Variants in CREB5 observed in about 807,000 individuals in gnomAD.
CREB5 encodes the protein cyclic AMP-responsive element-binding protein 5.
In CREB5, 19 loss-of-function variants were observed where a neutral mutation model predicts 57.1. The ratio of observed to expected loss-of-function variants is 0.33; its 90% CI spans 0.23 to 0.49. The LOEUF is 0.49. CREB5 is among the 20% of genes least tolerant of loss of function. CREB5 has a pLI of 0.99. For missense variants in CREB5, 579 were observed against 671.6 expected, an observed-to-expected ratio of 0.86 and a Z score of 1.52; for synonymous variants, 238 against 238.3, an observed-to-expected ratio of 1.00 and a Z score of 0.01.
intron 3 of CREB5, among the ~76,000 whole-genome samples, chr7:28,500,284 G>T (rs929501895): frequency 6.6e-6 from 1 of 152,198 alleles, no homozygotes; most frequent in Admixed American, 6.5e-5. Context: ...GTCAGGAAAG[G>T]CCTCTGGGTA....
chr7:28,518,871 G>T (rs958466140), intron 4 of CREB5, among the ~76,000 whole-genome samples: 1 of 152,128 alleles, frequency 6.6e-6, no homozygotes, highest in Non-Finnish European at 1.5e-5. Context: ...CCATTCCATC[G>T]CTCTCTAAAA....
chr7:28,626,962 G>T (rs1288655263), intron 5 of CREB5, among the ~76,000 whole-genome samples: 2 of 152,038 alleles, frequency 1.3e-5, no homozygotes, highest in Non-Finnish European at 2.9e-5. Context: ...ATCTGTTTTT[G>T]CTCTCAATGC....
At chr7:28,810,796 G>A (rs1809070785) in intron 9 of CREB5, among the ~76,000 whole-genome samples, 1 of 152,166 alleles carries the variant, frequency 6.6e-6, no homozygotes, top group Non-Finnish European at 1.5e-5. Context: ...AACAGTTAGG[G>A]TGCCAAACCC....
intron 2 of CREB5, among the ~76,000 whole-genome samples, chr7:28,490,718 T>A (rs1791761295): frequency 6.6e-6 from 1 of 152,202 alleles, no homozygotes; most frequent in African/African-American, 2.4e-5. Context: ...TGACCAAAAA[T>A]GTTTCCAGAC....
intron 1 of CREB5, among the ~76,000 whole-genome samples, chr7:28,321,700 G>C (rs913784296): frequency 6.6e-6 from 1 of 152,170 alleles, no homozygotes; most frequent in Non-Finnish European, 1.5e-5. Flanking sequence ...GGTGGTGAGT[G>C]GGGGACTGCA....
chr7:28,615,936 G>C (rs766228606), intron 5 of CREB5: 19 of 152,190 alleles, frequency 1.2e-4, no homozygotes, highest in Non-Finnish European at 2.4e-4. Flanking sequence ...AATCAAGACT[G>C]TAATAAGGTT....
intron 1 of CREB5, among the ~76,000 whole-genome samples, chr7:28,309,996 T>C (rs908855037): frequency 1.3e-5 from 2 of 152,144 alleles, no homozygotes; most frequent in African/African-American, 2.4e-5. Flanking sequence ...CACTTTCTAC[T>C]GGAGGAGGGA....
intron 1 of CREB5, among the ~76,000 whole-genome samples, chr7:28,482,207 T>C (rs1237594725): frequency 2.6e-5 from 4 of 152,208 alleles, no homozygotes; most frequent in African/African-American, 9.6e-5. Flanking sequence ...CCAAATTGCA[T>C]ATGCAATTCC....
intron 7 of CREB5, among the ~76,000 whole-genome samples, chr7:28,779,549 G>A (rs989558563): frequency 2.0e-5 from 3 of 152,166 alleles, no homozygotes; most frequent in Admixed American, 1.3e-4. Flanking sequence ...TCTTTTTACA[G>A]ATGAAATTGA....
chr7:28,434,247 T>C (rs1788848194), intron 1 of CREB5, among the ~76,000 whole-genome samples: 1 of 152,142 alleles, frequency 6.6e-6, no homozygotes, highest in Admixed American at 6.6e-5. Context: ...ATGGAGATAA[T>C]AATACCTCAA....
chr7:28,770,166 C>A (rs117955603), intron 7 of CREB5, among the ~76,000 whole-genome samples: 1 of 152,102 alleles, frequency 6.6e-6, no homozygotes, highest in East Asian at 1.9e-4. Context: ...GAAGGGGAGC[C>A]GGTGGAGAAA....
intron 4 of CREB5, among the ~76,000 whole-genome samples, chr7:28,535,914 A>G (rs34830939): frequency 0.15 from 22,901 of 152,152 alleles, 2,063 homozygotes; most frequent in East Asian, 0.3. Flanking sequence ...TTTCCAATCT[A>G]AAAGGACGGA....
chr7:28,393,886 C>T (rs12531567), intron 1 of CREB5, among the ~76,000 whole-genome samples: 30,508 of 151,634 alleles, frequency 0.2, 3,959 homozygotes, highest in Non-Finnish European at 0.29. Flanking sequence ...CCCAGTCTGG[C>T]CAACATGGTG....
chr7:28,712,817 AACCACTGC>A (rs1230201201), intron 5 of CREB5, among the ~76,000 whole-genome samples: 2 of 152,042 alleles, frequency 1.3e-5, no homozygotes, highest in Non-Finnish European at 2.9e-5. Context: ...TATAGGTGTG[AACCACTGC>A]ACCTGGCCAA....
chr7:28,715,347 A>T (rs74970140), intron 5 of CREB5, among the ~76,000 whole-genome samples: 3,320 of 152,328 alleles, frequency 0.022, 55 homozygotes, highest in Non-Finnish European at 0.032. Context: ...CTCCTGACTT[A>T]AATGGGAAGA....
Position 28,484,651 on chromosome 7 carries a change from C to T in CREB5, c.4-3524C>T, listed in dbSNP as rs574070630. Reference sequence around the variant, plus strand: ...TAAAACATATTTGGTCCATGGGATCCGTGGCATGTAATACATTGATACAGA... The same window carrying T: ...TAAAACATATTTGGTCCATGGGATCTGTGGCATGTAATACATTGATACAGA... On this transcript the variant is annotated intron_variant, in intron 1 of 10. Coordinates refer to ENST00000357727, the MANE Select transcript of CREB5 (RefSeq NM_182898.4). 1.4e-4 allele frequency among the ~76,000 whole-genome samples: 21 copies of T among 152,218 alleles called. No individual in the cohort carries two copies. In the East Asian group the frequency reaches 1.7e-3, roughly 13 times the overall value.
At chr7:28,476,237 TG>T (rs1791064182) in intron 1 of CREB5, among the ~76,000 whole-genome samples, 1 of 152,320 alleles carries the variant, frequency 6.6e-6, no homozygotes, top group African/African-American at 2.4e-5. Flanking sequence ...GCTTGATAAT[TG>T]CTGGATTATC....
intron 6 of CREB5, among the ~76,000 whole-genome samples, chr7:28,723,068 C>T (rs982820337): frequency 6.6e-6 from 1 of 152,194 alleles, no homozygotes; most frequent in Non-Finnish European, 1.5e-5. Context: ...GCAAGCAACT[C>T]CGTATTTTCC....
chr7:28,354,633 C>T (rs1786304100), intron 1 of CREB5, among the ~76,000 whole-genome samples: 1 of 152,182 alleles, frequency 6.6e-6, no homozygotes, highest in South Asian at 2.1e-4. Context: ...TTCAAGCTCC[C>T]ACGTCACTGC....
Sources: gnomAD v4.1 joint callset for allele counts (sites outside exome capture counted in the v4.1 genomes callset) on GRCh38, gnomAD v4.1.1 for gene constraint, MANE v1.5 for transcripts, NCBI Gene and HGNC (gene_info 2026-07-23, HGNC 2026-07-21) for gene names.